The following MTBP variants were observed in gnomAD, a reference collection of about 807,000 sequenced individuals.
The protein encoded by MTBP is mdm2-binding protein.
A neutral mutation model predicts 117.0 loss-of-function variants in MTBP; 101 were observed. The observed-to-expected ratio is 0.86, with a 90% CI of 0.73 to 1.02. The LOEUF (loss-of-function observed/expected upper bound fraction) is 1.02. Among genes scored for constraint, MTBP ranks in the 50% least tolerant of loss-of-function variants. MTBP has a pLI of 0.00. For missense variants in MTBP, 970 were observed against 1,030.9 expected (o/e 0.94, Z 0.81); for synonymous variants, 350 against 351.5 (o/e 1.00, Z 0.05).
intron 11 of MTBP, among the ~76,000 whole-genome samples, chr8:120,477,723 G>T (rs1173817056): frequency 6.6e-6 from 1 of 152,186 alleles, no homozygotes; most frequent in East Asian, 1.9e-4. Context: ...ATGCCAGTTA[G>T]AATGGCGATC....
At chr8:120,485,263 A>C (rs182542067) in intron 11 of MTBP, among the ~76,000 whole-genome samples, 1 of 152,232 alleles carries the variant, frequency 6.6e-6, no homozygotes, top group African/African-American at 2.4e-5. Flanking sequence ...ATATTTGATA[A>C]ATTTTATATC....
chr8:120,484,006 A>G (rs1025967979), intron 11 of MTBP, among the ~76,000 whole-genome samples: 1 of 152,140 alleles, frequency 6.6e-6, no homozygotes, highest in African/African-American at 2.4e-5. Flanking sequence ...ACATTTTTTA[A>G]ATGACTGCAG....
chr8:120,487,249 C>T (rs1176394773), intron 11 of MTBP, among the ~76,000 whole-genome samples: 1 of 152,192 alleles, frequency 6.6e-6, no homozygotes, highest in African/African-American at 2.4e-5. Context: ...CTTCATTTTG[C>T]TTCCAGTGCC....
chr8:120,488,103 T>G, intron 11 of MTBP, 56 bp from the exon 12 acceptor site: 1 of 1,390,990 alleles, frequency 7.2e-7, no homozygotes, highest in Non-Finnish European at 9.8e-7. Context: ...TGTATGGTTC[T>G]GTTGTGTTGT....
At chr8:120,479,244 C>T (rs551145116) in intron 11 of MTBP, among the ~76,000 whole-genome samples, 2 of 150,438 alleles carry the variant, frequency 1.3e-5, no homozygotes, top group African/African-American at 2.4e-5. Flanking sequence ...CATGAGAAAC[C>T]TGCATGTGTA....
chr8:120,456,890 A>G (rs528574515), intron 7 of MTBP, among the ~76,000 whole-genome samples: 1 of 152,272 alleles, frequency 6.6e-6, no homozygotes, highest in Non-Finnish European at 1.5e-5. Context: ...AGTTCCACCA[A>G]TGAACTGAAT....
At position 120,445,497 on chromosome 8, in the gene MTBP, C is replaced by G. The variant is rs896690561; in HGVS notation, c.27C>G (p.Ile9Met). The G allele has an allele frequency of 6.2e-7, 1 of 1,613,274 alleles. No individual in the cohort carries two copies. The highest frequency in any genetic ancestry group is 1.3e-5 in the African/African-American group (1 of 74,832). ...TGGATCGGTACCTGCTGCTGGTGAT[C>G]TGGGGGGAAGGAAAATTCCCGTCGG... MDRYLLLV[I>M]WGEGKFPSAA... Residue 9 changes from isoleucine to methionine, a missense_variant, in exon 1 of 22, where the codon ATC (isoleucine) becomes ATG (methionine). By Grantham distance (10) the Ile-to-Met change is conservative. Transcript: ENST00000305949.
rs2130622271 is a variant in MTBP, at chr8:120,518,033, A to C, written c.2429A>C (p.Gln810Pro). ...PKLATKTSSGQKSMHESKTSR... is the reference protein window; with the variant it reads ...PKLATKTSSGPKSMHESKTSR... ...CTTGCTACAAAGACCAGTTCAGGTC[A>C]AAAAAGTATGCATGAATCAAAAACA... The change falls in exon 19 of 22, where the codon CAA becomes CCA. Residue 810 changes from glutamine to proline, a missense_variant. By Grantham distance (76) the Gln-to-Pro change is moderately conservative. Coordinates refer to ENST00000305949, the MANE Select transcript of MTBP (RefSeq NM_022045.5). The C allele has an allele frequency of 6.2e-7, 1 of 1,612,804 alleles. No individual in the cohort carries two copies. Among genetic ancestry groups the C allele is most frequent in the East Asian group, 2.2e-5 (1 of 44,846 alleles).
intron 13 of MTBP, among the ~76,000 whole-genome samples, chr8:120,492,467 T>C (rs894464314): frequency 6.6e-6 from 1 of 152,022 alleles, no homozygotes; most frequent in African/African-American, 2.4e-5. Flanking sequence ...TTGTACATGA[T>C]AAAAAGTAAA....
At chr8:120,501,265 G>A (rs1215725032) in intron 14 of MTBP, among the ~76,000 whole-genome samples, 3 of 150,900 alleles carry the variant, frequency 2.0e-5, no homozygotes, top group Non-Finnish European at 3.0e-5. Context: ...GGGAGGCTGA[G>A]CCAGGAGAAT....
intron 14 of MTBP, among the ~76,000 whole-genome samples, chr8:120,498,657 G>C (rs1563801244): frequency 6.6e-6 from 1 of 152,156 alleles, no homozygotes; most frequent in Non-Finnish European, 1.5e-5. Flanking sequence ...AAATAAATAT[G>C]AATTTTGAGG....
chr8:120,507,754 T>C (rs970704527), intron 16 of MTBP, among the ~76,000 whole-genome samples: 4 of 152,142 alleles, frequency 2.6e-5, no homozygotes, highest in Admixed American at 6.5e-5. Context: ...AGAGTCTTAA[T>C]GACTTAATGA....
At chr8:120,482,684 ATTC>A (rs959119473) in intron 11 of MTBP, among the ~76,000 whole-genome samples, 14 of 151,480 alleles carry the variant, frequency 9.2e-5, no homozygotes, top group Middle Eastern at 3.4e-3. Flanking sequence ...CAACAGTACT[ATTC>A]TTCTTTTTTT....
chr8:120,464,056 G>T (rs546646577), intron 10 of MTBP, among the ~76,000 whole-genome samples: 8 of 152,038 alleles, frequency 5.3e-5, no homozygotes, highest in African/African-American at 1.9e-4. Flanking sequence ...ACATGTTATT[G>T]TTAACCTACT....
In MTBP at chr8:120,459,288, T is replaced by C; in HGVS notation, c.821T>C (p.Leu274Ser). 6.2e-7 allele frequency: 1 copy of C among 1,611,834 alleles called. No homozygotes were observed. Among genetic ancestry groups the C allele is most frequent in the Non-Finnish European group, 8.5e-7 (1 of 1,178,808 alleles). ...VTLKNFSTSN[L>S]NTDFLAKKII... ...CTTAAGAATTTTAGTACTTCTAATT[T>C]AAATACTGACTTCCTTGCCAAAAAG... The change falls in exon 8 of 22, where the codon TTA (leucine) becomes TCA (serine). Residue 274 changes from leucine to serine, a missense_variant. By Grantham distance (145) the Leu-to-Ser change is moderately radical. Transcript: ENST00000305949.
chr8:120,490,554 T>C lies in MTBP; in HGVS notation c.1431T>C (p.Ala477=). 6.3e-7 allele frequency: 1 copy of C among 1,599,522 alleles called. No homozygotes were observed. Among genetic ancestry groups the C allele is most frequent in the Non-Finnish European group, 8.5e-7 (1 of 1,173,440 alleles). The change falls in exon 13 of 22, where the codon GCT becomes GCC. Residue 477 remains alanine (A), a synonymous_variant. Coordinates refer to ENST00000305949, the MANE Select transcript of MTBP (RefSeq NM_022045.5). ...EKQLANVQVL[A]LEECLKRRKL... is the part of the protein sequence containing the mutation. ...AGTTAGCTAATGTTCAAGTTTTAGC[T>C]TTGGAAGAATGCCTAAGTAAGTAAC...
At chr8:120,469,734 TA>T (rs1477154492) in intron 10 of MTBP, among the ~76,000 whole-genome samples, 1 of 152,176 alleles carries the variant, frequency 6.6e-6, no homozygotes, top group Non-Finnish European at 1.5e-5. Context: ...CCAGAAAACA[TA>T]AAGCGAGAAA....
At chr8:120,488,107 G>A in intron 11 of MTBP, 52 bp from the exon 12 acceptor site, 1 of 1,428,086 alleles carries the variant, frequency 7.0e-7, no homozygotes. Context: ...TGGTTCTGTT[G>A]TGTTGTGTGC....
At position 120,506,862 on chromosome 8, in the gene MTBP, G is replaced by A. The variant is rs1440478621; in HGVS notation, c.1883+1G>A. 6.3e-7 allele frequency: 1 copy of A among 1,595,984 alleles called. No individual in the cohort carries two copies. Among genetic ancestry groups the A allele is most frequent in the African/African-American group, 1.4e-5 (1 of 73,980 alleles). ...TTCAACCTTTACCGATTCAAAAGGGGTAGGTTATAAACTTATAATTTCCAG... is the reference window on the plus strand; with the variant it reads ...TTCAACCTTTACCGATTCAAAAGGGATAGGTTATAAACTTATAATTTCCAG... On this transcript the variant is annotated splice_donor_variant, in intron 16 of 21. Transcript: ENST00000305949. LOFTEE classifies it high-confidence loss of function.
Sources: gnomAD v4.1 joint callset for allele counts (sites outside exome capture counted in the v4.1 genomes callset) on GRCh38, gnomAD v4.1.1 for gene constraint, MANE v1.5 for transcripts, NCBI Gene and HGNC (gene_info 2026-07-23, HGNC 2026-07-21) for gene names.